Variants in ATP8A2 observed in about 807,000 individuals in gnomAD.
ATP8A2 encodes the protein ATPase phospholipid transporting 8A2.
In ATP8A2, 100 loss-of-function variants were observed where a neutral mutation model predicts 165.6. The observed-to-expected ratio is 0.60, with a 90% CI of 0.51 to 0.71. The LOEUF (loss-of-function observed/expected upper bound fraction) is 0.71, where lower values mean the gene tolerates loss of function less well. Among genes scored for constraint, ATP8A2 ranks in the 30% least tolerant of loss-of-function variants. ATP8A2 has a pLI of 0.00. For missense variants in ATP8A2, 1,227 were observed against 1,479.5 expected (o/e 0.83, Z 2.80); for synonymous variants, 543 against 548.8 (o/e 0.99, Z 0.15).
intron 33 of ATP8A2, among the ~76,000 whole-genome samples, chr13:25,957,375 G>A (rs1955552338): frequency 6.6e-6 from 1 of 152,118 alleles, no homozygotes; most frequent in Non-Finnish European, 1.5e-5. Context: ...ATCTGACAAA[G>A]GACCAATATC....
intron 34 of ATP8A2, among the ~76,000 whole-genome samples, chr13:25,962,477 C>A (rs556459533): frequency 2.0e-5 from 3 of 152,094 alleles, no homozygotes; most frequent in Admixed American, 1.3e-4. Flanking sequence ...TTTCAAGATA[C>A]CTTGTTACAA....
chr13:25,476,492 A>G (rs1210939472), intron 2 of ATP8A2, among the ~76,000 whole-genome samples: 3 of 152,098 alleles, frequency 2.0e-5, no homozygotes, highest in African/African-American at 4.8e-5. Flanking sequence ...GTTTCACCAC[A>G]TGGGCCAGGC....
intron 24 of ATP8A2, among the ~76,000 whole-genome samples, chr13:25,630,160 T>C (rs1253780825): frequency 6.6e-6 from 1 of 152,208 alleles, no homozygotes; most frequent in Non-Finnish European, 1.5e-5. Flanking sequence ...GTTTTATTTC[T>C]AAGTGAATTA....
chr13:25,869,373 C>A (rs1167172545), intron 33 of ATP8A2, among the ~76,000 whole-genome samples: 2 of 152,188 alleles, frequency 1.3e-5, no homozygotes, highest in African/African-American at 4.8e-5. Flanking sequence ...GGGAACAGAA[C>A]TCCCGTTATC....
chr13:25,966,580 G>A (rs774713768), intron 34 of ATP8A2, among the ~76,000 whole-genome samples: 5 of 152,274 alleles, frequency 3.3e-5, no homozygotes, highest in African/African-American at 4.8e-5. Context: ...TTTTCCAATA[G>A]CAACAAAGTT....
intron 1 of ATP8A2, among the ~76,000 whole-genome samples, chr13:25,389,921 A>G (rs1449452251): frequency 6.6e-6 from 1 of 152,254 alleles, no homozygotes; most frequent in African/African-American, 2.4e-5. Flanking sequence ...GAACACTTGA[A>G]GCAAAGAGTG....
intron 25 of ATP8A2, among the ~76,000 whole-genome samples, chr13:25,720,911 C>T (rs1187838759): frequency 6.6e-6 from 1 of 151,590 alleles, no homozygotes; most frequent in East Asian, 1.9e-4. Flanking sequence ...TAGTGCTGGA[C>T]TGGGCAGAGA....
chr13:25,995,716 G>T (rs1299882610), intron 35 of ATP8A2, among the ~76,000 whole-genome samples: 4 of 151,954 alleles, frequency 2.6e-5, no homozygotes, highest in Non-Finnish European at 4.4e-5. Flanking sequence ...TCTATTTCTT[G>T]TTATATATTC....
intron 29 of ATP8A2, among the ~76,000 whole-genome samples, chr13:25,838,840 G>A (rs1042156243): frequency 6.6e-6 from 1 of 152,086 alleles, no homozygotes; most frequent in South Asian, 2.1e-4. Flanking sequence ...CAGAAGACAG[G>A]TGATTTCTAA....
chr13:25,893,715 G>A (rs1350479043), intron 33 of ATP8A2, among the ~76,000 whole-genome samples: 1 of 152,184 alleles, frequency 6.6e-6, no homozygotes, highest in African/African-American at 2.4e-5. Flanking sequence ...AGCACCTGTT[G>A]TTTCCTGACT....
intron 25 of ATP8A2, among the ~76,000 whole-genome samples, chr13:25,768,281 C>T (rs993306206): frequency 3.3e-5 from 5 of 152,036 alleles, no homozygotes; most frequent in African/African-American, 1.2e-4. Flanking sequence ...TGCTTTAGAC[C>T]CCACAGATTT....
chr13:25,921,348 T>C (rs577067042), intron 33 of ATP8A2, among the ~76,000 whole-genome samples: 5 of 151,980 alleles, frequency 3.3e-5, no homozygotes, highest in Non-Finnish European at 7.4e-5. Flanking sequence ...CCAGGCACGG[T>C]GGCTCACACC....
chr13:25,704,200 G>C (rs3117866), intron 25 of ATP8A2, among the ~76,000 whole-genome samples: 1 of 151,942 alleles, frequency 6.6e-6, no homozygotes, highest in Non-Finnish European at 1.5e-5. Context: ...CAAACTCCCC[G>C]TGGCACCTCT....
intron 28 of ATP8A2, among the ~76,000 whole-genome samples, chr13:25,831,634 A>G (rs544670826): frequency 2.6e-5 from 4 of 152,136 alleles, no homozygotes; most frequent in African/African-American, 9.6e-5. Context: ...CCTGAGGTCA[A>G]GAGTTCGAGA....
At chr13:25,961,810 T>A (rs1053692608) in intron 34 of ATP8A2, 147 bp downstream of exon 34, 44 of 600,230 alleles carry the variant, frequency 7.3e-5, no homozygotes, top group African/African-American at 3.4e-4. Flanking sequence ...GAAAAAAAAA[T>A]TTTTTTAGTT....
chr13:25,808,668 G>A (rs994361345), intron 27 of ATP8A2, among the ~76,000 whole-genome samples: 3 of 151,204 alleles, frequency 2.0e-5, no homozygotes, highest in African/African-American at 7.3e-5. Context: ...TCAAACTCCT[G>A]GGCTCAACCT....
At chr13:25,739,253 C>T (rs2138136257) in intron 25 of ATP8A2, among the ~76,000 whole-genome samples, 1 of 152,308 alleles carries the variant, frequency 6.6e-6, no homozygotes, top group African/African-American at 2.4e-5. Context: ...AGGGAGGTTC[C>T]AGGAGGAGCT....
At chr13:25,989,518 G>C (rs1318865041) in intron 35 of ATP8A2, among the ~76,000 whole-genome samples, 3 of 152,110 alleles carry the variant, frequency 2.0e-5, no homozygotes, top group African/African-American at 7.2e-5. Flanking sequence ...TAGGTGCTTT[G>C]TCCAGTCACA....
chr13:25,573,107 G>T (rs573281421), intron 18 of ATP8A2, among the ~76,000 whole-genome samples: 18 of 152,062 alleles, frequency 1.2e-4, no homozygotes, highest in Admixed American at 1.3e-4. Context: ...AGAATTTCCC[G>T]TACAGAAGCT....
Sources: allele counts gnomAD v4.1 joint callset (sites outside exome capture counted in the v4.1 genomes callset), GRCh38; gene constraint gnomAD v4.1.1; transcripts MANE v1.5; gene names NCBI Gene and HGNC (gene_info 2026-07-23, HGNC 2026-07-21).